Variants in DBX2 observed in about 807,000 individuals in gnomAD.
DBX2 encodes the protein homeobox protein DBX2.
DBX2 carries 16 observed loss-of-function variants against 17.7 expected under a neutral mutation model. The observed-to-expected ratio is 0.90, with a 90% CI of 0.61 to 1.37. The LOEUF is 1.37. Among genes scored for constraint, DBX2 ranks in the 40% most tolerant of loss-of-function variants. The pLI is 0.00. For synonymous variants in DBX2, 255 were observed against 183.8 expected, an observed-to-expected ratio of 1.39 and a Z score of -3.13; for missense variants, 538 against 433.8, an observed-to-expected ratio of 1.24 and a Z score of -2.13.
In DBX2 at chr12:45,050,523, A is replaced by G; in HGVS notation, c.403+2T>C. 6.5e-7 allele frequency: 1 copy of G among 1,549,082 alleles called. No individual in the cohort carries two copies. Among genetic ancestry groups the G allele is most frequent in the Non-Finnish European group, 8.7e-7 (1 of 1,147,458 alleles). ...TGGGGAGGGAGGGGAGAGCTGGCTC[A>G]CCTGGCGCTGAAGGCTGGAAGGTAC... On this transcript the variant is annotated splice_donor_variant, in intron 1 of 3. Transcript: ENST00000332700. LOFTEE classifies it high-confidence loss of function.
At chr12:45,028,930 C>T (rs753629566) in intron 2 of DBX2, among the ~76,000 whole-genome samples, 14 of 152,352 alleles carry the variant, frequency 9.2e-5, no homozygotes, top group Non-Finnish European at 7.3e-5. Context: ...AAGCATATGA[C>T]AATGCTGCTA....
At chr12:45,043,480 C>T (rs928200834) in intron 1 of DBX2, among the ~76,000 whole-genome samples, 1 of 152,176 alleles carries the variant, frequency 6.6e-6, no homozygotes, top group African/African-American at 2.4e-5. Context: ...AGAATCCAGC[C>T]ACTCTGCTAT....
intron 2 of DBX2, 90 bp downstream of exon 2, chr12:45,035,929 A>G (rs1946437601): frequency 8.1e-7 from 1 of 1,231,218 alleles, no homozygotes; most frequent in Non-Finnish European, 1.1e-6. Context: ...TTGCCATTGC[A>G]TTACCAATTA....
intron 1 of DBX2, among the ~76,000 whole-genome samples, chr12:45,039,788 G>A (rs770547210): frequency 6.6e-5 from 10 of 151,994 alleles, no homozygotes; most frequent in East Asian, 3.9e-4. Flanking sequence ...AGCCATGAGG[G>A]ATAGAGATTT....
chr12:45,048,944 G>A (rs1946514737), intron 1 of DBX2, among the ~76,000 whole-genome samples: 1 of 152,148 alleles, frequency 6.6e-6, no homozygotes, highest in Non-Finnish European at 1.5e-5. Flanking sequence ...CTTTGGTTAA[G>A]TGTACAAGAA....
rs1001237451 is a variant in DBX2, at chr12:45,016,077, T to G, written c.*209A>C. The G allele has an allele frequency of 4.3e-6, 2 of 460,824 alleles. No individual in the cohort carries two copies. Among genetic ancestry groups the G allele is most frequent in the Non-Finnish European group, 7.4e-6 (2 of 270,072 alleles). The allele number at this position is 460,824 out of a possible 1,614,324, so 28.5% of individuals were successfully genotyped here. ...CTCCTTCTTTTCAGTTCTGTCATAC[T>G]TGCTGGGAGATTCTATTCCACTTAC... On this transcript the variant is annotated 3_prime_UTR_variant, in exon 4 of 4. Coordinates refer to ENST00000332700, the MANE Select transcript of DBX2 (RefSeq NM_001004329.3).
In DBX2 at chr12:45,023,729, T is replaced by C. The variant is rs748293885; in HGVS notation, c.665A>G (p.Asn222Ser). Residue 222 changes from asparagine to serine, a missense_variant, in exon 3 of 4, where the codon AAC becomes AGC. Physicochemically the swap from Asn to Ser is conservative, Grantham distance 46. Coordinates refer to ENST00000332700, the MANE Select transcript of DBX2 (RefSeq NM_001004329.3). ...SKTDRKKLAI[N>S]LGLKESQVKI... Reference sequence around the variant, plus strand: ...TACCTGTGATTCCTTTAGTCCCAAGTTGATGGCAAGTTTCTTTCGGTCTGT... The same window carrying C: ...TACCTGTGATTCCTTTAGTCCCAAGCTGATGGCAAGTTTCTTTCGGTCTGT... 5 of 1,614,076 alleles carry C rather than the reference T, an allele frequency of 3.1e-6. No homozygotes were observed. The South Asian group carries it at 3.3e-5, about 11-fold the overall frequency.
chr12:45,036,532 T>A (rs954509057), intron 1 of DBX2, among the ~76,000 whole-genome samples: 4 of 152,232 alleles, frequency 2.6e-5, no homozygotes, highest in Admixed American at 2.6e-4. Context: ...GTAGCTAGTA[T>A]AATGAATAAC....
chr12:45,034,062 C>T lies in DBX2; in HGVS notation c.499+1957G>A, dbSNP rs561852728. ...TTTCTTTTCTATCTAGTAAACTGGCCCAAACTTTGATGGCTTGAGACTCTT... is the reference window on the plus strand; with the variant it reads ...TTTCTTTTCTATCTAGTAAACTGGCTCAAACTTTGATGGCTTGAGACTCTT... On this transcript the variant is annotated intron_variant, in intron 2 of 3. Coordinates refer to ENST00000332700, the MANE Select transcript of DBX2 (RefSeq NM_001004329.3). Among the ~76,000 whole-genome samples, 34 of 151,438 alleles carry T rather than the reference C, an allele frequency of 2.2e-4. No homozygotes were observed. The South Asian group carries it at 3.6e-3, about 16-fold the overall frequency.
chr12:45,016,490 G>A lies in DBX2; in HGVS notation c.816C>T (p.Phe272=). The A allele has an allele frequency of 6.2e-7, 1 of 1,613,888 alleles. No homozygotes were observed. Among genetic ancestry groups the A allele is most frequent in the Non-Finnish European group, 8.5e-7 (1 of 1,179,908 alleles). ...CCCATATTGAAGGACATGGAGAAGG[G>A]AAACCCAGAGCAGACCGTGAGAGGG... The part of the protein sequence containing the change: ...EDPLSRSALG[F]PSPCPSIWDV... Residue 272 remains phenylalanine (F), a synonymous_variant, in exon 4 of 4, where the codon TTC becomes TTT. Coordinates refer to ENST00000332700, the MANE Select transcript of DBX2 (RefSeq NM_001004329.3).
intron 2 of DBX2, among the ~76,000 whole-genome samples, chr12:45,033,662 A>G (rs1202778962): frequency 6.6e-6 from 1 of 152,210 alleles, no homozygotes; most frequent in Non-Finnish European, 1.5e-5. Context: ...TTTTAGAGTT[A>G]TAACTAATAA....
chr12:45,035,278 T>G (rs575286096), intron 2 of DBX2, among the ~76,000 whole-genome samples: 1 of 152,336 alleles, frequency 6.6e-6, no homozygotes, highest in African/African-American at 2.4e-5. Flanking sequence ...CTGAAAGAAA[T>G]GCACCCTTCC....
intron 2 of DBX2, among the ~76,000 whole-genome samples, chr12:45,024,512 C>T (rs1032689087): frequency 3.9e-5 from 6 of 152,158 alleles, no homozygotes; most frequent in African/African-American, 1.4e-4. Context: ...GCCCAAGGTC[C>T]CAGGTTACAA....
chr12:45,023,719 T>C lies in DBX2; in HGVS notation c.675A>G (p.Leu225=), dbSNP rs1279280146. 1 of 1,614,174 alleles carries C rather than the reference T, an allele frequency of 6.2e-7. No homozygotes were observed. Among genetic ancestry groups the C allele is most frequent in the Admixed American group, 1.7e-5 (1 of 60,028 alleles). ...TGCTTATTAGTACCTGTGATTCCTT[T>C]AGTCCCAAGTTGATGGCAAGTTTCT... ...DRKKLAINLG[L]KESQVKIWFQ... Residue 225 remains leucine, a synonymous_variant, in exon 3 of 4, where the codon CTA becomes CTG. Transcript: ENST00000332700.
chr12:45,039,595 T>G (rs910235712), intron 1 of DBX2, among the ~76,000 whole-genome samples: 9 of 152,062 alleles, frequency 5.9e-5, no homozygotes, highest in African/African-American at 2.2e-4. Context: ...ATATTTATAA[T>G]GATAATATTT....
rs1491581232 is a variant in DBX2, at chr12:45,039,277, G to GTGTATATA, written c.404-3164_404-3163insTATATACA. ...TTTAAAACAATGCACTGCATTGAAGGTATATATATATATATATATATATAT... is the reference window on the plus strand; with the variant it reads ...TTTAAAACAATGCACTGCATTGAAGGTGTATATATATATATATATATATATATATATAT... On this transcript the variant is annotated intron_variant, in intron 1 of 3. Coordinates refer to ENST00000332700, the MANE Select transcript of DBX2 (RefSeq NM_001004329.3). Among the ~76,000 whole-genome samples, 10 of 90,286 alleles carry GTGTATATA rather than the reference G, an allele frequency of 1.1e-4. No individual in the cohort carries two copies. In the East Asian group the frequency reaches 1.2e-3, roughly 11 times the overall value. 59.2% of individuals were successfully genotyped at this position (90,286 alleles called of 152,430 possible).
At chr12:45,038,759 C>A (rs1298534806) in intron 1 of DBX2, among the ~76,000 whole-genome samples, 2 of 151,516 alleles carry the variant, frequency 1.3e-5, no homozygotes, top group Non-Finnish European at 2.9e-5. Flanking sequence ...CAATTAAATT[C>A]TTAGTGATAA....
At chr12:45,038,904 T>C (rs1373702284) in intron 1 of DBX2, among the ~76,000 whole-genome samples, 1 of 152,014 alleles carries the variant, frequency 6.6e-6, no homozygotes, top group Non-Finnish European at 1.5e-5. Flanking sequence ...AGTATCAAAA[T>C]CTGTAATTGC....
intron 1 of DBX2, among the ~76,000 whole-genome samples, chr12:45,040,283 G>A (rs1465741071): frequency 6.6e-6 from 1 of 152,068 alleles, no homozygotes; most frequent in East Asian, 1.9e-4. Flanking sequence ...CTTCAGTTAT[G>A]GGACTCGAAC....
Sources: gnomAD v4.1 joint callset for allele counts (sites outside exome capture counted in the v4.1 genomes callset) on GRCh38, gnomAD v4.1.1 for gene constraint, MANE v1.5 for transcripts, NCBI Gene and HGNC (gene_info 2026-07-23, HGNC 2026-07-21) for gene names.